Variants in PLXNB1 observed in about 807,000 individuals in gnomAD.
The protein encoded by PLXNB1 is plexin B1.
PLXNB1 carries 106 observed loss-of-function variants against 209.4 expected under a neutral mutation model. The observed-to-expected ratio is 0.51, with a 90% CI of 0.43 to 0.59. PLXNB1 has a LOEUF of 0.59. PLXNB1 is among the 20% of genes least tolerant of loss of function. The pLI is 0.00. For synonymous variants in PLXNB1, 1,167 were observed against 1,183.2 expected, an observed-to-expected ratio of 0.99 and a Z score of 0.28; for missense variants, 2,357 against 2,853.2, an observed-to-expected ratio of 0.83 and a Z score of 3.96.
Position 48,423,001 on chromosome 3 carries a change from G to A in PLXNB1, c.1108-54C>T, listed in dbSNP as rs549797115. The A allele has an allele frequency of 1.2e-4, 187 of 1,518,710 alleles. No homozygotes were observed. The East Asian group carries it at 2.7e-3, about 22-fold the overall frequency. The allele number at this position is 1,518,710 out of a possible 1,614,324, so 94.1% of individuals were successfully genotyped here. On this transcript the variant is annotated intron_variant, in intron 3 of 37. Coordinates refer to ENST00000296440, the MANE Select transcript of PLXNB1 (RefSeq NM_001130082.3). ...CCCTCCCTGGATAACCTCCTCGGCCGCATCGTCCCTGGACAACCTCATTCC... is the reference window on the plus strand; with the variant it reads ...CCCTCCCTGGATAACCTCCTCGGCCACATCGTCCCTGGACAACCTCATTCC...
At chr3:48,427,380 G>A (rs958809788) in intron 1 of PLXNB1, among the ~76,000 whole-genome samples, 5 of 152,102 alleles carry the variant, frequency 3.3e-5, no homozygotes, top group East Asian at 1.9e-4. Flanking sequence ...CATGGGTGTC[G>A]GAAGGAGGAC....
At position 48,413,660 on chromosome 3, in the gene PLXNB1, C is replaced by T. The variant is rs2037854364; in HGVS notation, c.4535+10G>A. 5 of 1,598,508 alleles carry T rather than the reference C, an allele frequency of 3.1e-6. No homozygotes were observed. The East Asian group carries it at 9.0e-5, about 29-fold the overall frequency. ...CCTGCCCCAGCCCAGCCACATCTGGCTGCACCCACCTGTACATGAGGACAA... is the reference window on the plus strand; with the variant it reads ...CCTGCCCCAGCCCAGCCACATCTGGTTGCACCCACCTGTACATGAGGACAA... On this transcript the variant is annotated intron_variant, in intron 23 of 37. Transcript: ENST00000296440. The surrounding 1 kb of genome is among the most constrained non-coding windows in gnomAD (Gnocchi z 5.4).
chr3:48,418,619 G>A lies in PLXNB1; in HGVS notation c.2956-77C>T, dbSNP rs2038266848. On this transcript the variant is annotated intron_variant, in intron 13 of 37. Transcript: ENST00000296440. The surrounding 1 kb of genome is among the most constrained non-coding windows in gnomAD (Gnocchi z 6.6). ...CTGGGGAGGGGTTAGTCAGAGAAAG[G>A]ACTAAAACGACCAGTTAGGAGCATA... 8.4e-7 allele frequency: 1 copy of A among 1,189,132 alleles called. No individual in the cohort carries two copies. 73.7% of individuals were successfully genotyped at this position (1,189,132 alleles called of 1,614,324 possible).
At position 48,415,237 on chromosome 3, in the gene PLXNB1, C is replaced by T. The variant is rs562471194; in HGVS notation, c.3905G>A (p.Arg1302Gln). Residue 1302 changes from arginine to glutamine, a missense_variant, in exon 20 of 38, where the codon CGG (arginine) becomes CAG (glutamine). Coordinates refer to ENST00000296440, the MANE Select transcript of PLXNB1 (RefSeq NM_001130082.3). The surrounding 1 kb of genome is among the most constrained non-coding windows in gnomAD (Gnocchi z 5.0). ...RMLQPSQGLG[R>Q]RRRVVPETAC... ...CGTCTCCGGGACCACGCGACGCCTC[C>T]GTCCAAGCCCCTGGCTGGGCTGCAG... 119 of 1,613,492 alleles carry T rather than the reference C, an allele frequency of 7.4e-5. 2 individuals are homozygous for T. The South Asian group carries it at 8.3e-4, about 11-fold the overall frequency.
chr3:48,415,612 G>A lies in PLXNB1; in HGVS notation c.3765C>T (p.Thr1255=). ...QFKYTLDPNI[T]SAGPTKSFLS... is the part of the protein sequence containing the mutation. Reference sequence around the variant, plus strand: ...GGAAGCTCTTGGTGGGGCCAGCAGAGGTGATGTTGGGGTCCAAGGTATACT... The same window carrying A: ...GGAAGCTCTTGGTGGGGCCAGCAGAAGTGATGTTGGGGTCCAAGGTATACT... Residue 1255 remains threonine, a synonymous_variant, in exon 19 of 38, where the codon ACC becomes ACT. Transcript: ENST00000296440. The surrounding 1 kb of genome is among the most constrained non-coding windows in gnomAD (Gnocchi z 5.0). 6.3e-7 allele frequency: 1 copy of A among 1,584,488 alleles called. No homozygotes were observed. The highest frequency in any genetic ancestry group is 8.6e-7 in the Non-Finnish European group (1 of 1,165,002).
At chr3:48,412,661 G>A (rs763861179) in intron 25 of PLXNB1, 41 bp from the exon 26 acceptor site, 9 of 1,607,314 alleles carry the variant, frequency 5.6e-6, no homozygotes, top group African/African-American at 2.7e-5. Flanking sequence ...GGTTTAGGGG[G>A]ACAGAGGGGC....
chr3:48,415,436 C>T lies in PLXNB1; in HGVS notation c.3795-89G>A, dbSNP rs2038019900. On this transcript the variant is annotated intron_variant, in intron 19 of 37. Transcript: ENST00000296440. The surrounding 1 kb of genome is among the most constrained non-coding windows in gnomAD (Gnocchi z 5.0). Reference sequence around the variant, plus strand: ...CCCAGTCCCGGCTAGGTCAGCTCAGCCCCAGCCCCAAACCACACGACCCCT... The same window carrying T: ...CCCAGTCCCGGCTAGGTCAGCTCAGTCCCAGCCCCAAACCACACGACCCCT... 5 of 1,468,472 alleles carry T rather than the reference C, an allele frequency of 3.4e-6. No individual in the cohort carries two copies. In the Admixed American group the frequency reaches 5.9e-5, roughly 17 times the overall value. 91.0% of individuals were successfully genotyped at this position (1,468,472 alleles called of 1,614,324 possible). A position where few individuals can be genotyped will look rare whatever the true frequency, so the allele number is the denominator to read the frequency against.
chr3:48,418,666 GC>G lies in PLXNB1; in HGVS notation c.2956-125del. Reference sequence around the variant, plus strand: ...CATAGGGTCAGAGGGACCCCATGGGGCCACAAGTTGGAGGGCAGAGCCAGAA... The same window carrying G: ...CATAGGGTCAGAGGGACCCCATGGGGCACAAGTTGGAGGGCAGAGCCAGAA... On this transcript the variant is annotated intron_variant, in intron 13 of 37. Transcript: ENST00000296440. The surrounding 1 kb of genome is among the most constrained non-coding windows in gnomAD (Gnocchi z 6.6). 1 of 937,878 alleles carries G rather than the reference GC, an allele frequency of 1.1e-6. No individual in the cohort carries two copies. Among genetic ancestry groups the G allele is most frequent in the Non-Finnish European group, 1.6e-6 (1 of 609,216 alleles). 58.1% of individuals were successfully genotyped at this position (937,878 alleles called of 1,614,324 possible).
chr3:48,426,973 T>A (rs2107025596), intron 1 of PLXNB1, among the ~76,000 whole-genome samples: 1 of 152,266 alleles, frequency 6.6e-6, no homozygotes, highest in Non-Finnish European at 1.5e-5. Context: ...TGTTCAATTC[T>A]CCTGCCACCG....
In PLXNB1 at chr3:48,418,484, C is replaced by T. The variant is rs1228921574; in HGVS notation, c.3014G>A (p.Gly1005Asp). ...CTCAGCACTGTCCACACGCAGACGG[C>T]CGGCCCGACGCAGAAACAGCCCCAC... ...LRVGLFLRRAGRLRVDSAEGL... is the reference protein window; with the variant it reads ...LRVGLFLRRADRLRVDSAEGL... The change falls in exon 14 of 38, where the codon GGC becomes GAC. Residue 1005 changes from glycine to aspartate, a missense_variant. Around this residue, in one of 7 missense-constraint regions of PLXNB1, gnomAD observed 743 missense variants for 896.2 expected, o/e 0.83. Transcript: ENST00000296440. The surrounding 1 kb of genome is among the most constrained non-coding windows in gnomAD (Gnocchi z 6.6). 6.2e-7 allele frequency: 1 copy of T among 1,612,494 alleles called. No homozygotes were observed. The highest frequency in any genetic ancestry group is 8.5e-7 in the Non-Finnish European group (1 of 1,179,444).
rs1575374020 is a variant in PLXNB1, at chr3:48,405,813, A to C, written c.6229-15T>G. Reference sequence around the variant, plus strand: ...CCGGAGTAGTTCTAGGGAAGAGGCCAAATGAAAGGTGAGAGAGACGAGGGG... The same window carrying C: ...CCGGAGTAGTTCTAGGGAAGAGGCCCAATGAAAGGTGAGAGAGACGAGGGG... On this transcript the variant is annotated splice_polypyrimidine_tract_variant and intron_variant, in intron 36 of 37. Transcript: ENST00000296440. This position sits in a 1 kb window ranked among gnomAD's most constrained non-coding sequence, Gnocchi z 5.0. The C allele has an allele frequency of 6.2e-7, 1 of 1,610,108 alleles. No homozygotes were observed. The highest frequency in any genetic ancestry group is 1.3e-5 in the African/African-American group (1 of 74,842).
chr3:48,421,984 G>T, intron 6 of PLXNB1, 121 bp downstream of exon 6: 1 of 1,267,548 alleles, frequency 7.9e-7, no homozygotes, highest in East Asian at 2.3e-5. Context: ...GTGAGGAATT[G>T]GGGTGTCTGG....
At chr3:48,425,100 C>G (rs1228815554) in intron 2 of PLXNB1, among the ~76,000 whole-genome samples, 181 bp downstream of exon 2, 1 of 152,224 alleles carries the variant, frequency 6.6e-6, no homozygotes, top group Admixed American at 6.5e-5. Context: ...GAGTTGGGTG[C>G]AGGGCCTTTC....
chr3:48,415,577 C>A lies in PLXNB1; in HGVS notation c.3794+6G>T. On this transcript the variant is annotated splice_donor_region_variant and intron_variant, in intron 19 of 37. Transcript: ENST00000296440. The surrounding 1 kb of genome is among the most constrained non-coding windows in gnomAD (Gnocchi z 5.0). Reference sequence around the variant, plus strand: ...CTGCCATGCAGCCACACCCCTGGCCCAACACCTGAGGAAGCTCTTGGTGGG... The same window carrying A: ...CTGCCATGCAGCCACACCCCTGGCCAAACACCTGAGGAAGCTCTTGGTGGG... The A allele has an allele frequency of 6.4e-7, 1 of 1,568,062 alleles. No homozygotes were observed. The highest frequency in any genetic ancestry group is 1.9e-5 in the Admixed American group (1 of 53,664).
intron 34 of PLXNB1, 91 bp from the exon 35 acceptor site, chr3:48,407,182 G>A: frequency 8.3e-7 from 1 of 1,207,370 alleles, no homozygotes; most frequent in Non-Finnish European, 1.2e-6. Flanking sequence ...TCCCAGTACT[G>A]CTTCAGTTTT....
In PLXNB1 at chr3:48,413,827, G is replaced by A. The variant is rs1232859576; in HGVS notation, c.4387-9C>T. ...AAGTTCCCCATCTGCACCTGTGTCA[G>A]GAGCCACCTGTGAGCAAGGGTTTGG... On this transcript the variant is annotated splice_polypyrimidine_tract_variant and intron_variant, in intron 22 of 37. Transcript: ENST00000296440. The surrounding 1 kb of genome is among the most constrained non-coding windows in gnomAD (Gnocchi z 5.4). 1.2e-6 allele frequency: 2 copies of A among 1,611,976 alleles called. No homozygotes were observed. Among genetic ancestry groups the A allele is most frequent in the Non-Finnish European group, 1.7e-6 (2 of 1,178,730 alleles).
In PLXNB1 at chr3:48,419,939, T is replaced by C. The variant is rs753903930; in HGVS notation, c.2347A>G (p.Thr783Ala). 29 of 1,569,340 alleles carry C rather than the reference T, an allele frequency of 1.8e-5. No individual in the cohort carries two copies. The highest frequency in any genetic ancestry group is 2.5e-5 in the Non-Finnish European group (29 of 1,155,450). ...PAPTDFRPSATPEDLLASPLS... is the reference protein window; with the variant it reads ...PAPTDFRPSAAPEDLLASPLS... ...GGGGAGGCCAAGAGGTCCTCAGGTGTGGCTGAGGGTCTGAAGTCAGTGGGG... is the reference window on the plus strand; with the variant it reads ...GGGGAGGCCAAGAGGTCCTCAGGTGCGGCTGAGGGTCTGAAGTCAGTGGGG... Residue 783 changes from threonine to alanine, a missense_variant, in exon 11 of 38, where the codon ACA becomes GCA. Transcript: ENST00000296440. This position sits in a 1 kb window ranked among gnomAD's most constrained non-coding sequence, Gnocchi z 5.7.
chr3:48,428,169 TA>T lies in PLXNB1; in HGVS notation c.-60+1838del, dbSNP rs1201848306. Reference sequence around the variant, plus strand: ...AAGAAAACCCAACAAGTAGGGGAGATAGGGGGCCCACAATCCCTCCAAGCCA... The same window carrying T: ...AAGAAAACCCAACAAGTAGGGGAGATGGGGGCCCACAATCCCTCCAAGCCA... On this transcript the variant is annotated intron_variant, in intron 1 of 37. Transcript: ENST00000296440. Among the ~76,000 whole-genome samples the T allele has an allele frequency of 3.9e-5, 6 of 152,254 alleles. No homozygotes were observed. In the South Asian group the frequency reaches 1.0e-3, roughly 26 times the overall value.
chr3:48,421,445 T>A lies in PLXNB1; in HGVS notation c.1654-61A>T. ...GTGGGCAGCAGACCAGGGCTCACAT[T>A]TATGGGACACCCAATGTGGGCAGGC... On this transcript the variant is annotated intron_variant, in intron 7 of 37. Coordinates refer to ENST00000296440, the MANE Select transcript of PLXNB1 (RefSeq NM_001130082.3). The A allele has an allele frequency of 2.0e-6, 3 of 1,489,444 alleles. No homozygotes were observed. In the South Asian group the frequency reaches 4.1e-5, roughly 20 times the overall value. The allele number at this position is 1,489,444 out of a possible 1,614,324, so 92.3% of individuals were successfully genotyped here.
Sources: gnomAD v4.1 joint callset for allele counts (sites outside exome capture counted in the v4.1 genomes callset) on GRCh38, gnomAD v4.1.1 for gene constraint, gnomAD v4.1.1 regional missense constraint, Gnocchi (gnomAD v3.1) non-coding constraint, MANE v1.5 for transcripts, NCBI Gene and HGNC (gene_info 2026-07-23, HGNC 2026-07-21) for gene names.